Variants in PEMT observed in about 807,000 individuals in gnomAD.
PEMT encodes phosphatidylethanolamine N-methyltransferase, also known as phospholipid methyltransferase.
PEMT carries 23 observed loss-of-function variants against 27.4 expected under a neutral mutation model. That is an observed-to-expected ratio of 0.84 (90% CI 0.60 to 1.19). The LOEUF is 1.19. PEMT is among the 50% of genes most tolerant of loss of function. The pLI is 0.00. For missense variants in PEMT, 307 were observed against 310.1 expected, an observed-to-expected ratio of 0.99 and a Z score of 0.07; for synonymous variants, 137 against 139.1, an observed-to-expected ratio of 0.98 and a Z score of 0.11.
intron 2 of PEMT, among the ~76,000 whole-genome samples, chr17:17,529,982 A>C (rs1907971972): frequency 6.6e-6 from 1 of 152,214 alleles, no homozygotes; most frequent in African/African-American, 2.4e-5. Flanking sequence ...TAAGTAAAAA[A>C]GCAAGTGCGG....
chr17:17,573,161 C>T (rs957994186), intron 2 of PEMT, among the ~76,000 whole-genome samples: 2 of 151,524 alleles, frequency 1.3e-5, no homozygotes, highest in African/African-American at 2.4e-5. Flanking sequence ...TGCACTCCAG[C>T]CTGGGCAACA....
intron 3 of PEMT, among the ~76,000 whole-genome samples, chr17:17,516,904 T>A (rs4244593): frequency 4.6e-5 from 7 of 151,862 alleles, no homozygotes; most frequent in Non-Finnish European, 7.4e-5. Flanking sequence ...GGCACCTGCC[T>A]CGAGGAAATC....
chr17:17,544,848 G>A (rs146852574), intron 2 of PEMT, among the ~76,000 whole-genome samples: 4 of 152,312 alleles, frequency 2.6e-5, no homozygotes, highest in South Asian at 2.1e-4. Flanking sequence ...GCAGAAAGGC[G>A]GGCATTTTAG....
At chr17:17,521,804 T>C (rs1454955521) in intron 3 of PEMT, among the ~76,000 whole-genome samples, 1 of 152,198 alleles carries the variant, frequency 6.6e-6, no homozygotes, top group East Asian at 1.9e-4. Context: ...TAACCTCAGG[T>C]GATCCACCCG....
At chr17:17,555,232 C>T (rs112370185) in intron 2 of PEMT, among the ~76,000 whole-genome samples, 37 of 152,132 alleles carry the variant, frequency 2.4e-4, no homozygotes, top group African/African-American at 7.7e-4. Flanking sequence ...TGTACCCACC[C>T]CCAAGAAGAA....
intron 2 of PEMT, among the ~76,000 whole-genome samples, chr17:17,543,469 C>T (rs1051534327): frequency 2.6e-5 from 4 of 152,206 alleles, no homozygotes; most frequent in African/African-American, 9.6e-5. Context: ...AGGCAGCGCA[C>T]GCCACCTGGA....
At chr17:17,551,574 G>A (rs1320076823) in intron 2 of PEMT, among the ~76,000 whole-genome samples, 2 of 152,200 alleles carry the variant, frequency 1.3e-5, no homozygotes, top group Non-Finnish European at 2.9e-5. Context: ...CTCTACGTAG[G>A]ATTCCAACTG....
chr17:17,506,499 G>T (rs574646223), intron 5 of PEMT, among the ~76,000 whole-genome samples, 198 bp from the exon 6 acceptor site: 1 of 152,168 alleles, frequency 6.6e-6, no homozygotes, highest in Admixed American at 6.5e-5. Flanking sequence ...CCATGTTCTC[G>T]GTCCTGATCC....
rs370597070 is a variant in PEMT, at chr17:17,559,610, G to A, written c.204+17310C>T. Among the ~76,000 whole-genome samples the A allele has an allele frequency of 1.5e-4, 23 of 152,362 alleles. No homozygotes were observed. In the South Asian group the frequency reaches 4.6e-3, roughly 30 times the overall value. On this transcript the variant is annotated intron_variant, in intron 2 of 6. Transcript: ENST00000255389. ...GCCAGATGAAGGCCAGTTCTGGCTG[G>A]TAAGGGACGTCCAAGTAGGGGTGGA...
chr17:17,546,537 T>C (rs1403878534), intron 2 of PEMT, among the ~76,000 whole-genome samples: 3 of 152,218 alleles, frequency 2.0e-5, no homozygotes, highest in Non-Finnish European at 4.4e-5. Flanking sequence ...ATAAGGCTGA[T>C]AAGGCCCCGG....
At chr17:17,537,253 C>T (rs957725928) in intron 2 of PEMT, among the ~76,000 whole-genome samples, 1 of 152,214 alleles carries the variant, frequency 6.6e-6, no homozygotes, top group Non-Finnish European at 1.5e-5. Context: ...CAGAGCTCCT[C>T]GAATCCTGCC....
At chr17:17,583,541 T>C (rs1912086732) in intron 1 of PEMT, among the ~76,000 whole-genome samples, 1 of 152,136 alleles carries the variant, frequency 6.6e-6, no homozygotes, top group Non-Finnish European at 1.5e-5. Context: ...AGCTGGGAGC[T>C]TCACCACCCA....
chr17:17,566,270 G>A (rs1409786917), intron 2 of PEMT, among the ~76,000 whole-genome samples: 3 of 152,204 alleles, frequency 2.0e-5, no homozygotes, highest in East Asian at 1.9e-4. Flanking sequence ...ATGAGAAAGT[G>A]GGGAACAGCC....
chr17:17,535,718 G>C (rs551907489), intron 2 of PEMT, among the ~76,000 whole-genome samples: 15 of 152,200 alleles, frequency 9.9e-5, no homozygotes, highest in Non-Finnish European at 2.1e-4. Flanking sequence ...GAGGCGGAGA[G>C]GGGGCAGAAG....
intron 2 of PEMT, among the ~76,000 whole-genome samples, chr17:17,548,834 C>CGAGT (rs1313117079): frequency 3.9e-5 from 6 of 152,118 alleles, no homozygotes; most frequent in Admixed American, 1.3e-4. Context: ...CGTGAGCCGC[C>CGAGT]GAGTCCGGCC....
chr17:17,550,078 G>A (rs974151486), intron 2 of PEMT, among the ~76,000 whole-genome samples: 2 of 152,214 alleles, frequency 1.3e-5, no homozygotes, highest in South Asian at 2.1e-4. Flanking sequence ...TAGCGGGGGG[G>A]ATCAGCAGGG....
intron 2 of PEMT, among the ~76,000 whole-genome samples, chr17:17,539,108 T>C (rs1908699811): frequency 6.6e-6 from 1 of 152,166 alleles, no homozygotes. Context: ...TAAAGTAAAA[T>C]GTACCCTTTT....
intron 2 of PEMT, among the ~76,000 whole-genome samples, chr17:17,545,305 C>T (rs1156927488): frequency 6.6e-6 from 1 of 152,252 alleles, no homozygotes; most frequent in Non-Finnish European, 1.5e-5. Context: ...GCCCACCTCT[C>T]ACCCAGGTCT....
chr17:17,538,571 A>T (rs1908654072), intron 2 of PEMT, among the ~76,000 whole-genome samples: 1 of 152,216 alleles, frequency 6.6e-6, no homozygotes, highest in South Asian at 2.1e-4. Flanking sequence ...AAGAAAAAAA[A>T]AATTAATAAA....
Sources: allele counts gnomAD v4.1 joint callset (sites outside exome capture counted in the v4.1 genomes callset), GRCh38; gene constraint gnomAD v4.1.1; transcripts MANE v1.5; gene names NCBI Gene and HGNC (gene_info 2026-07-23, HGNC 2026-07-21).